The following SPATA31G1 variants were observed in gnomAD, a reference collection of about 807,000 sequenced individuals.
SPATA31G1 encodes the protein SPATA31 subfamily G member 1.
At chr9:35,044,194 C>T in the SPATA31G1 span, 1 of 1,614,170 alleles carries the variant, frequency 6.2e-7, no homozygotes, top group Non-Finnish European at 8.5e-7. Flanking sequence ...ACACCTCCAA[C>T]CACCCTTATG....
chr9:35,042,812 T>A, the SPATA31G1 span: 2 of 1,576,830 alleles, frequency 1.3e-6, no homozygotes, highest in African/African-American at 2.7e-5. Flanking sequence ...GCAAACCTTG[T>A]GTATCTGAAA....
At chr9:35,044,649 G>C in the SPATA31G1 span, 1 of 1,614,204 alleles carries the variant, frequency 6.2e-7, no homozygotes, top group African/African-American at 1.3e-5. Flanking sequence ...CGGGGAGGCA[G>C]TGGAGCAAAG....
the SPATA31G1 span, chr9:35,045,800 G>C: frequency 1.7e-5 from 28 of 1,613,954 alleles, no homozygotes; most frequent in Non-Finnish European, 2.4e-5. Flanking sequence ...CCCTTACCAG[G>C]GGTTTGCAAA....
the SPATA31G1 span, chr9:35,043,710 G>A: frequency 1.2e-6 from 2 of 1,614,052 alleles, no homozygotes; most frequent in South Asian, 1.1e-5. Context: ...CCCTGAAGGA[G>A]GACTTGCTAT....
chr9:35,043,762 C>T, the SPATA31G1 span: 4 of 1,614,200 alleles, frequency 2.5e-6, no homozygotes, highest in Admixed American at 1.7e-5. Context: ...AGAGAGAAAC[C>T]TCAGGCCTCT....
the SPATA31G1 span, chr9:35,045,786 G>C: frequency 6.2e-7 from 1 of 1,614,038 alleles, no homozygotes; most frequent in Non-Finnish European, 8.5e-7. Flanking sequence ...TACCCTCAAG[G>C]CTTCCCTTAC....
chr9:35,045,043 C>G, the SPATA31G1 span: 1 of 1,614,064 alleles, frequency 6.2e-7, no homozygotes, highest in Non-Finnish European at 8.5e-7. Context: ...GCCCCTGGCC[C>G]AAGTCAATCA....
At chr9:35,045,205 A>G in the SPATA31G1 span, 2 of 1,614,008 alleles carry the variant, frequency 1.2e-6, no homozygotes, top group Non-Finnish European at 1.7e-6. Context: ...CAGCCTGTCC[A>G]GTCCTCCCAC....
chr9:35,042,996 A>G, the SPATA31G1 span: 8 of 1,614,000 alleles, frequency 5.0e-6, no homozygotes, highest in Non-Finnish European at 6.8e-6. Flanking sequence ...ATGTTCTCCT[A>G]CCAAAGAAGC....
At chr9:35,043,753 G>A in the SPATA31G1 span, 4 of 1,614,212 alleles carry the variant, frequency 2.5e-6, no homozygotes, top group Admixed American at 6.7e-5. Context: ...GTGGGATACA[G>A]AGAGAAACCT....
chr9:35,045,761 G>C, the SPATA31G1 span: 4 of 1,614,216 alleles, frequency 2.5e-6, no homozygotes, highest in Non-Finnish European at 3.4e-6. Flanking sequence ...ACATGGAGAA[G>C]TATCTCTCCT....
chr9:35,045,973 C>A, the SPATA31G1 span: 1 of 1,349,920 alleles, frequency 7.4e-7, no homozygotes, highest in Non-Finnish European at 1.0e-6. Context: ...AATAAACTAG[C>A]TGAATTAGAT....
At chr9:35,044,223 C>G in the SPATA31G1 span, 1 of 1,614,178 alleles carries the variant, frequency 6.2e-7, no homozygotes, top group South Asian at 1.1e-5. Context: ...CAGAATCAAT[C>G]CTGGGGAATG....
chr9:35,045,000 CT>C, the SPATA31G1 span: 1 of 1,614,202 alleles, frequency 6.2e-7, no homozygotes, highest in South Asian at 1.1e-5. Flanking sequence ...GAAACTCAGG[CT>C]GAAGAAACTG....
the SPATA31G1 span, chr9:35,045,929 A>G: frequency 6.6e-7 from 1 of 1,510,418 alleles, no homozygotes; most frequent in Non-Finnish European, 8.8e-7. Flanking sequence ...ACCAGGGGGA[A>G]GGTGGGGATG....
At chr9:35,045,359 T>G in the SPATA31G1 span, 1 of 1,614,000 alleles carries the variant, frequency 6.2e-7, no homozygotes, top group South Asian at 1.1e-5. Flanking sequence ...TGGAGGCTGG[T>G]GTGGACTATC....
At chr9:35,043,306 CT>C in the SPATA31G1 span, 1 of 1,614,168 alleles carries the variant, frequency 6.2e-7, no homozygotes, top group Non-Finnish European at 8.5e-7. Context: ...TCTGTTTGTT[CT>C]TCTGTCTTCT....
chr9:35,042,227 AG>A, the SPATA31G1 span: 3 of 1,609,434 alleles, frequency 1.9e-6, no homozygotes, highest in Non-Finnish European at 2.5e-6. Flanking sequence ...TGATGACCTC[AG>A]GGTAAACTGC....
chr9:35,045,803 T>A, the SPATA31G1 span: 2 of 1,613,970 alleles, frequency 1.2e-6, no homozygotes, highest in South Asian at 2.2e-5. Flanking sequence ...TTACCAGGGG[T>A]TTGCAAAAGG....
Sources: allele counts gnomAD v4.1 joint callset, GRCh38; gene constraint gnomAD v4.1.1; transcripts MANE v1.5; gene names NCBI Gene and HGNC (gene_info 2026-07-23, HGNC 2026-07-21).